Variants in KYAT1 observed in about 807,000 individuals in gnomAD.
KYAT1 encodes the protein kynurenine aminotransferase 1, also known as kynurenine--oxoglutarate transaminase 1.
In KYAT1, 47 loss-of-function variants were observed where a neutral mutation model predicts 52.4. That is an observed-to-expected ratio of 0.90 (90% CI 0.71 to 1.14). The LOEUF (loss-of-function observed/expected upper bound fraction) is 1.14. Ranked by LOEUF, KYAT1 falls within the 50% of genes most tolerant of loss-of-function variation. The pLI is 0.00. For synonymous variants in KYAT1, 212 were observed against 209.6 expected, an observed-to-expected ratio of 1.01 and a Z score of -0.10; for missense variants, 480 against 557.9, an observed-to-expected ratio of 0.86 and a Z score of 1.41.
chr9:128,864,623 T>C (rs1371016186), intron 1 of KYAT1, among the ~76,000 whole-genome samples: 1 of 152,006 alleles, frequency 6.6e-6, no homozygotes, highest in Non-Finnish European at 1.5e-5. Flanking sequence ...TACTTATTTT[T>C]TGGGGGACAA....
chr9:128,841,524 T>A (rs1356837907), intron 3 of KYAT1, among the ~76,000 whole-genome samples: 1 of 149,408 alleles, frequency 6.7e-6, no homozygotes, highest in Non-Finnish European at 1.5e-5. Context: ...CGAGACTGTC[T>A]TAAAAAAAAA....
intron 2 of KYAT1, among the ~76,000 whole-genome samples, chr9:128,844,805 A>G (rs893051027): frequency 6.6e-6 from 1 of 152,232 alleles, no homozygotes. Context: ...CAGAGGTTGC[A>G]GTGAGCCGAG....
rs561176765 is a variant in KYAT1 at position 128,869,857 on chromosome 9, G to A, written c.-7+12040C>T. Among the ~76,000 whole-genome samples the A allele has an allele frequency of 5.3e-4, 80 of 151,552 alleles. 1 individual carries two copies. The South Asian group carries it at 0.014, about 27-fold the overall frequency. On this transcript the variant is annotated intron_variant, in intron 1 of 12. Coordinates refer to ENST00000302586, the MANE Select transcript of KYAT1 (RefSeq NM_004059.5). ...CAACCTCTGCCTCCTGGGTTCAAGCGATTCTCCTGCCTCAGCCTCCCGAGT... is the reference window on the plus strand; with the variant it reads ...CAACCTCTGCCTCCTGGGTTCAAGCAATTCTCCTGCCTCAGCCTCCCGAGT...
At chr9:128,869,028 G>C (rs759705901) in intron 1 of KYAT1, among the ~76,000 whole-genome samples, 24 of 151,832 alleles carry the variant, frequency 1.6e-4, no homozygotes, top group Non-Finnish European at 2.9e-4. Context: ...TTGTAGAGAC[G>C]GGGGTCTCAC....
intron 3 of KYAT1, 47 bp from the exon 4 acceptor site, chr9:128,838,414 C>G (rs763386626): frequency 6.2e-7 from 1 of 1,610,622 alleles, no homozygotes; most frequent in Non-Finnish European, 8.5e-7. Context: ...CTGGGCCCAT[C>G]CTCCGGCCCA....
chr9:128,854,484 C>T (rs1302766889), intron 1 of KYAT1, among the ~76,000 whole-genome samples: 2 of 152,170 alleles, frequency 1.3e-5, no homozygotes, highest in South Asian at 2.1e-4. Flanking sequence ...AGTTTGGGTA[C>T]CTACAACTTA....
intron 11 of KYAT1, among the ~76,000 whole-genome samples, chr9:128,834,944 G>C (rs1830749781): frequency 6.6e-6 from 1 of 151,400 alleles, no homozygotes; most frequent in Admixed American, 6.6e-5. Context: ...AGACCAACCT[G>C]GCTAACATGG....
At chr9:128,880,573 C>T (rs998597929) in intron 1 of KYAT1, among the ~76,000 whole-genome samples, 4 of 152,004 alleles carry the variant, frequency 2.6e-5, no homozygotes, top group Non-Finnish European at 5.9e-5. Flanking sequence ...TCCCGAGTAG[C>T]TGGGACCACA....
At chr9:128,864,064 C>A (rs1835838182) in intron 1 of KYAT1, among the ~76,000 whole-genome samples, 1 of 151,956 alleles carries the variant, frequency 6.6e-6, no homozygotes, top group Admixed American at 6.6e-5. Context: ...CGTCCCACCA[C>A]TTAAAAATGT....
chr9:128,875,238 G>GTT (rs937445820), intron 1 of KYAT1, among the ~76,000 whole-genome samples: 11 of 127,734 alleles, frequency 8.6e-5, no homozygotes, highest in African/African-American at 3.0e-4. Context: ...TGTTCAATTT[G>GTT]TTTTTTTTTG....
chr9:128,853,408 A>G (rs928228632), intron 1 of KYAT1, among the ~76,000 whole-genome samples: 2 of 152,162 alleles, frequency 1.3e-5, no homozygotes, highest in Non-Finnish European at 2.9e-5. Context: ...ACTCAATATC[A>G]CTCAGCTCAA....
chr9:128,882,470 G>A, upstream of KYAT1: 1 of 373,876 alleles, frequency 2.7e-6, no homozygotes, highest in Non-Finnish European at 4.8e-6. Context: ...CGCGGCGCGC[G>A]AGCCCCCTCC....
intron 1 of KYAT1, among the ~76,000 whole-genome samples, chr9:128,874,380 C>T (rs763616337): frequency 1.3e-5 from 2 of 150,830 alleles, no homozygotes; most frequent in Non-Finnish European, 3.0e-5. Flanking sequence ...GGTGTGATCT[C>T]GGCTCACTGC....
intron 1 of KYAT1, among the ~76,000 whole-genome samples, chr9:128,853,091 G>C (rs541317270): frequency 1.3e-5 from 2 of 152,166 alleles, no homozygotes; most frequent in African/African-American, 4.8e-5. Flanking sequence ...TAATTGGTCA[G>C]GCAAGACTAC....
intron 1 of KYAT1, among the ~76,000 whole-genome samples, chr9:128,875,263 T>G (rs1281249983): frequency 6.6e-6 from 1 of 150,710 alleles, no homozygotes; most frequent in Non-Finnish European, 1.5e-5. Context: ...TTTTTTTTTT[T>G]TGGTTTTTGT....
intron 1 of KYAT1, among the ~76,000 whole-genome samples, chr9:128,862,808 G>A (rs1344247064): frequency 1.3e-5 from 2 of 152,100 alleles, no homozygotes; most frequent in African/African-American, 4.8e-5. Context: ...CTGGGCATAG[G>A]AGTCAATGTT....
At chr9:128,838,938 T>G (rs1344225322) in intron 3 of KYAT1, among the ~76,000 whole-genome samples, 3 of 128,532 alleles carry the variant, frequency 2.3e-5, no homozygotes, top group African/African-American at 9.1e-5. Flanking sequence ...GGAGAGGCTT[T>G]TATTTATTTA....
chr9:128,865,336 TATATATATATATATATA>T lies in KYAT1; in HGVS notation c.-7+16544_-7+16560del, dbSNP rs1836142190. ...ATATATATATATATATATATATATA[TATATATATATATATATA>T]TATATATTTTTTTTTTTTTTTTTTT... On this transcript the variant is annotated intron_variant, in intron 1 of 12. Coordinates refer to ENST00000302586, the MANE Select transcript of KYAT1 (RefSeq NM_004059.5). 8.7e-3 allele frequency among the ~76,000 whole-genome samples: 19 copies of T among 2,174 alleles called. 1 individual carries two copies. The highest frequency in any genetic ancestry group is 0.016 in the Non-Finnish European group (11 of 686). 1.4% of individuals were successfully genotyped at this position (2,174 alleles called of 152,430 possible). A position where few individuals can be genotyped will look rare whatever the true frequency, so the allele number is the denominator to read the frequency against.
chr9:128,860,998 A>G (rs1406296313), intron 1 of KYAT1, among the ~76,000 whole-genome samples: 3 of 152,258 alleles, frequency 2.0e-5, no homozygotes, highest in African/African-American at 7.2e-5. Context: ...AGTTTGAACT[A>G]TTGTGGGAAT....
Sources: allele counts gnomAD v4.1 joint callset (sites outside exome capture counted in the v4.1 genomes callset), GRCh38; gene constraint gnomAD v4.1.1; transcripts MANE v1.5; gene names NCBI Gene and HGNC (gene_info 2026-07-23, HGNC 2026-07-21).